Variants in DMTN observed in about 807,000 individuals in gnomAD.
DMTN encodes dematin actin binding protein, also known as dematin.
DMTN carries 27 observed loss-of-function variants against 59.4 expected under a neutral mutation model. The ratio of observed to expected loss-of-function variants is 0.45; its 90% confidence interval spans 0.33 to 0.63. The LOEUF (loss-of-function observed/expected upper bound fraction) is 0.63. DMTN is among the 20% of genes least tolerant of loss of function. DMTN has a pLI of 0.02. For missense variants in DMTN, 451 were observed against 528.9 expected, an observed-to-expected ratio of 0.85 and a Z score of 1.45; for synonymous variants, 221 against 203.7, an observed-to-expected ratio of 1.08 and a Z score of -0.72.
chr8:22,051,982 T>A (rs1173250841), upstream of DMTN, among the ~76,000 whole-genome samples: 2 of 152,206 alleles, frequency 1.3e-5, no homozygotes, highest in Admixed American at 6.5e-5. Flanking sequence ...TTAAGAATAC[T>A]GGAAAACTGG....
At chr8:22,075,851 G>T (rs553818849) in intron 10 of DMTN, among the ~76,000 whole-genome samples, 3 of 152,112 alleles carry the variant, frequency 2.0e-5, no homozygotes, top group Non-Finnish European at 4.4e-5. Flanking sequence ...GGTACCACAA[G>T]GTCTCATTGC....
intron 12 of DMTN, 39 bp downstream of exon 12, chr8:22,080,499 G>T: frequency 1.2e-6 from 2 of 1,614,196 alleles, no homozygotes; most frequent in Non-Finnish European, 1.7e-6. Context: ...TGGAGAAGGG[G>T]CTTACACAGG....
Position 22,078,403 on chromosome 8 carries a change from T to TCATATATATGTATATATGTGAATATATA in DMTN, c.836-1759_836-1732dup, listed in dbSNP as rs535516654. Among the ~76,000 whole-genome samples the TCATATATATGTATATATGTGAATATATA allele has an allele frequency of 4.4e-3, 657 of 148,874 alleles. 5 individuals carry two copies. Among genetic ancestry groups the TCATATATATGTATATATGTGAATATATA allele is most frequent in the African/African-American group, 0.015 (611 of 40,710 alleles). ...TATATATATACATATATACATATAT[T>TCATATATATGTATATATGTGAATATATA]CATATATATGTATATATGTGAATAT... On this transcript the variant is annotated intron_variant, in intron 10 of 15. Coordinates refer to ENST00000358242, the MANE Select transcript of DMTN (RefSeq NM_001387751.1).
chr8:22,080,059 T>C (rs1339181539), intron 10 of DMTN, 121 bp from the exon 11 acceptor site: 1 of 1,110,170 alleles, frequency 9.0e-7, no homozygotes. Flanking sequence ...GCCCACCAGG[T>C]TCCCCCCAGC....
Position 22,070,350 on chromosome 8 carries a change from A to G in DMTN, c.604+16A>G, listed in dbSNP as rs1262235179. On this transcript the variant is annotated intron_variant, in intron 8 of 15. Transcript: ENST00000358242. ...GCTGTTGTGGGTAGGAGAGATGGGG[A>G]GAGTGGAATGGGTGGTCTGGGAAAC... The G allele has an allele frequency of 1.9e-6, 3 of 1,584,036 alleles. No homozygotes were observed. Among genetic ancestry groups the G allele is most frequent in the Middle Eastern group, 1.7e-4 (1 of 5,896 alleles).
chr8:22,075,691 G>C (rs1177419087), intron 10 of DMTN, among the ~76,000 whole-genome samples: 1 of 151,896 alleles, frequency 6.6e-6, no homozygotes, highest in Admixed American at 6.6e-5. Flanking sequence ...GCTAATTTTT[G>C]TATTTTTATT....
At position 22,066,906 on chromosome 8, in the gene DMTN, G is replaced by A. The variant is rs1226582548; in HGVS notation, c.18+13G>A. The A allele has an allele frequency of 2.4e-6, 3 of 1,256,910 alleles. No individual in the cohort carries two copies. Among genetic ancestry groups the A allele is most frequent in the South Asian group, 2.9e-5 (1 of 34,768 alleles). 77.9% of individuals were successfully genotyped at this position (1,256,910 alleles called of 1,614,324 possible). A position where few individuals can be genotyped will look rare whatever the true frequency, so the allele number is the denominator to read the frequency against. On this transcript the variant is annotated intron_variant, in intron 2 of 15. Coordinates refer to ENST00000358242, the MANE Select transcript of DMTN (RefSeq NM_001387751.1). ...ACGGCTGCAGAAGGTGCGCGGCGCC[G>A]CCCCGGGCCGGGGCCGCCGAGGGCG...
chr8:22,072,631 A>ATTTTT (rs61068593), intron 9 of DMTN, among the ~76,000 whole-genome samples, 181 bp downstream of exon 9: 17,568 of 130,592 alleles, frequency 0.13, 1,486 homozygotes, highest in Admixed American at 0.16. Flanking sequence ...CGCCCAGCTA[A>ATTTTT]TTTTTTTTTT....
chr8:22,049,498 G>C (rs1275456687), upstream of DMTN, among the ~76,000 whole-genome samples: 1 of 151,874 alleles, frequency 6.6e-6, no homozygotes, highest in Middle Eastern at 3.2e-3. Flanking sequence ...GAACTCGGGG[G>C]CCATAAAACC....
chr8:22,079,364 T>C (rs1292968510), intron 10 of DMTN, among the ~76,000 whole-genome samples: 1 of 143,970 alleles, frequency 6.9e-6, no homozygotes, highest in Non-Finnish European at 1.5e-5. Flanking sequence ...ATGGGGAGAA[T>C]CACTTGAGCC....
In DMTN at chr8:22,082,082, G is replaced by A; in HGVS notation, c.*619G>A. Reference sequence around the variant, plus strand: ...GCTTCCCCAGAAGCCTGGGCTTAGGGTGGAGATGCCGCCTACACACGATCC... The same window carrying A: ...GCTTCCCCAGAAGCCTGGGCTTAGGATGGAGATGCCGCCTACACACGATCC... On this transcript the variant is annotated 3_prime_UTR_variant, in exon 16 of 16. Coordinates refer to ENST00000358242, the MANE Select transcript of DMTN (RefSeq NM_001387751.1). 2.2e-6 allele frequency: 1 copy of A among 456,734 alleles called. No individual in the cohort carries two copies. Among genetic ancestry groups the A allele is most frequent in the Non-Finnish European group, 4.4e-6 (1 of 226,970 alleles). 28.3% of individuals were successfully genotyped at this position (456,734 alleles called of 1,614,324 possible). A position where few individuals can be genotyped will look rare whatever the true frequency, so the allele number is the denominator to read the frequency against.
At chr8:22,049,726 A>C (rs931131465), upstream of DMTN, among the ~76,000 whole-genome samples, 1 of 151,266 alleles carries the variant, frequency 6.6e-6, no homozygotes, top group Non-Finnish European at 1.5e-5. Context: ...CCCTTCCCTC[A>C]CTGAGTCCTC....
At chr8:22,078,814 T>TTTTTTTTC (rs1821713052) in intron 10 of DMTN, among the ~76,000 whole-genome samples, 1 of 143,674 alleles carries the variant, frequency 7.0e-6, no homozygotes, top group Non-Finnish European at 1.5e-5. Context: ...TTTTTTTTTT[T>TTTTTTTTC]GAGATGGAGT....
chr8:22,067,175 G>A lies in DMTN; in HGVS notation c.93+16G>A, dbSNP rs769271747. 2 of 1,607,468 alleles carry A rather than the reference G, an allele frequency of 1.2e-6. No homozygotes were observed. Among genetic ancestry groups the A allele is most frequent in the Middle Eastern group, 1.6e-4 (1 of 6,064 alleles). On this transcript the variant is annotated intron_variant, in intron 3 of 15. Coordinates refer to ENST00000358242, the MANE Select transcript of DMTN (RefSeq NM_001387751.1). ...CAGCATCGTGGTGAGTACCCCTCTCGGCCACCAGCAACCCCTGGCTGGGAG... is the reference window on the plus strand; with the variant it reads ...CAGCATCGTGGTGAGTACCCCTCTCAGCCACCAGCAACCCCTGGCTGGGAG...
chr8:22,079,913 A>T, intron 10 of DMTN, among the ~76,000 whole-genome samples: 1 of 152,156 alleles, frequency 6.6e-6, no homozygotes, highest in East Asian at 1.9e-4. Flanking sequence ...CAATTTTCAC[A>T]TCAGGCATTG....
At position 22,081,154 on chromosome 8, in the gene DMTN, A is replaced by T. The variant is rs368467851; in HGVS notation, c.1065A>T (p.Arg355=). ...YEMLVVTNKG[R]TKLPPGVDRM... ...TGCTAGTGGTGACCAACAAGGGGCG[A>T]ACCAAGCTGCCACCGGGGGTGGATC... The change falls in exon 15 of 16, where the codon CGA becomes CGT. Residue 355 remains arginine, a synonymous_variant. Coordinates refer to ENST00000358242, the MANE Select transcript of DMTN (RefSeq NM_001387751.1). 28 of 1,516,556 alleles carry T rather than the reference A, an allele frequency of 1.8e-5. No individual in the cohort carries two copies. Among genetic ancestry groups the T allele is most frequent in the Non-Finnish European group, 2.4e-5 (27 of 1,121,482 alleles). 93.9% of individuals were successfully genotyped at this position (1,516,556 alleles called of 1,614,324 possible).
intron 14 of DMTN, 85 bp downstream of exon 14, chr8:22,080,955 C>A: frequency 6.6e-7 from 1 of 1,507,458 alleles, no homozygotes. Context: ...CGGGGTCTTC[C>A]TGGTGTTGAA....
At chr8:22,048,933 G>C (rs1801040469), upstream of DMTN, 1 of 148,922 alleles carries the variant, frequency 6.7e-6, no homozygotes, top group African/African-American at 2.4e-5. This position sits in a 1 kb window ranked among gnomAD's most constrained non-coding sequence, Gnocchi z 6.9. Flanking sequence ...GGGCCCCCAG[G>C]AGGCCGCGGG....
upstream of DMTN, among the ~76,000 whole-genome samples, chr8:22,052,919 C>T (rs572577459): frequency 2.0e-5 from 3 of 152,224 alleles, no homozygotes; most frequent in African/African-American, 4.8e-5. Flanking sequence ...AGATTCTGCC[C>T]GGCTTCCACA....
Sources: gnomAD v4.1 joint callset for allele counts (sites outside exome capture counted in the v4.1 genomes callset) on GRCh38, gnomAD v4.1.1 for gene constraint, Gnocchi (gnomAD v3.1) non-coding constraint, MANE v1.5 for transcripts, NCBI Gene and HGNC (gene_info 2026-07-23, HGNC 2026-07-21) for gene names.